UBAP1L: variants seen among roughly 807,000 people sequenced by gnomAD.
UBAP1L encodes ubiquitin associated protein 1 like.
A neutral mutation model predicts 32.1 loss-of-function variants in UBAP1L; 32 were observed. That is an observed-to-expected ratio of 1.00 (90% CI 0.75 to 1.34). UBAP1L has a LOEUF of 1.34. Ranked by LOEUF, UBAP1L falls within the 40% of genes most tolerant of loss-of-function variation. The probability of loss-of-function intolerance (pLI) is 0.00; values close to 1 mark genes in which losing one functional copy is unlikely to be tolerated. For synonymous variants in UBAP1L, 243 were observed against 250.2 expected, an observed-to-expected ratio of 0.97 and a Z score of 0.27; for missense variants, 516 against 540.5, an observed-to-expected ratio of 0.95 and a Z score of 0.45.
Position 65,094,068 on chromosome 15 carries a change from G to C in UBAP1L, c.1011+407C>G, listed in dbSNP as rs974923477. 1.3e-5 allele frequency among the ~76,000 whole-genome samples: 2 copies of C among 152,100 alleles called. No individual in the cohort carries two copies. Among genetic ancestry groups the C allele is most frequent in the South Asian group, 4.1e-4 (2 of 4,820 alleles). On this transcript the variant is annotated intron_variant, in intron 5 of 5. Coordinates refer to ENST00000559089, the MANE Select transcript of UBAP1L (RefSeq NM_001163692.2). This position sits in a 1 kb window ranked among gnomAD's most constrained non-coding sequence, Gnocchi z 4.2. Reference sequence around the variant, plus strand: ...TCTCAGAAAACAAGATGTGACTATTGGGCCTACAGCTGCATGCACTTGGGG... The same window carrying C: ...TCTCAGAAAACAAGATGTGACTATTCGGCCTACAGCTGCATGCACTTGGGG...
At chr15:65,108,014 G>T (rs1333888823) in intron 1 of UBAP1L, among the ~76,000 whole-genome samples, 1 of 151,614 alleles carries the variant, frequency 6.6e-6, no homozygotes, top group Non-Finnish European at 1.5e-5. Flanking sequence ...AAAATTAAAT[G>T]AAATGCAAAG....
chr15:65,093,338 G>A (rs1160682473), intron 5 of UBAP1L, 107 bp from the exon 6 acceptor site: 2 of 1,374,664 alleles, frequency 1.5e-6, no homozygotes, highest in Non-Finnish European at 1.9e-6. Context: ...AAAAAGCTGT[G>A]GCTACCCCCA....
chr15:65,105,954 C>A (rs1327194396), intron 2 of UBAP1L, 142 bp downstream of exon 2: 7 of 1,226,546 alleles, frequency 5.7e-6, no homozygotes, highest in Admixed American at 2.5e-5. Flanking sequence ...CCACACCCAG[C>A]TAATTTTTTG....
chr15:65,099,647 G>A lies in UBAP1L; in HGVS notation c.767C>T (p.Ser256Leu). 1 of 1,551,646 alleles carries A rather than the reference G, an allele frequency of 6.4e-7. No individual in the cohort carries two copies. The highest frequency in any genetic ancestry group is 8.7e-7 in the Non-Finnish European group (1 of 1,146,974). The change falls in exon 4 of 6, where the codon TCA becomes TTA. Residue 256 changes from serine to leucine, a missense_variant. By Grantham distance (145) the Ser-to-Leu change is moderately radical. Coordinates refer to ENST00000559089, the MANE Select transcript of UBAP1L (RefSeq NM_001163692.2). ...GAPQPLNPHK[S>L]HPDTAADLLS... ...CAGGTCAGCCGCAGTATCAGGGTGT[G>A]ACTTGTGGGGGTTGAGAGGTTGGGG... is the stretch of plus-strand genomic sequence containing the variant.
At chr15:65,114,527 T>C (rs921141550) in intron 1 of UBAP1L, among the ~76,000 whole-genome samples, 5 of 152,188 alleles carry the variant, frequency 3.3e-5, no homozygotes, top group Non-Finnish European at 7.3e-5. Flanking sequence ...GATAAGTACT[T>C]TTCCTTGTAG....
Position 65,102,327 on chromosome 15 carries a change from G to T in UBAP1L, c.478C>A (p.Arg160=). 6.9e-7 allele frequency: 1 copy of T among 1,449,684 alleles called. No homozygotes were observed. The highest frequency in any genetic ancestry group is 1.3e-5 in the South Asian group (1 of 75,222). The allele number at this position is 1,449,684 out of a possible 1,614,324, so 89.8% of individuals were successfully genotyped here. A position where few individuals can be genotyped will look rare whatever the true frequency, so the allele number is the denominator to read the frequency against. ...GVRLELAGAR[R]RLSEGKLVSR... ...ACCAGCTTCCCCTCGGAGAGCCGCC[G>T]CCGCGCCCCTGCCAGCTCCAACCGC... The change falls in exon 3 of 6, where the codon CGG becomes AGG. Residue 160 remains arginine, a synonymous_variant. Coordinates refer to ENST00000559089, the MANE Select transcript of UBAP1L (RefSeq NM_001163692.2). The surrounding 1 kb of genome is among the most constrained non-coding windows in gnomAD (Gnocchi z 5.0).
rs1397333442 is a variant in UBAP1L, at chr15:65,102,619, C to A, written c.186G>T (p.Pro62=). 12 of 1,549,368 alleles carry A rather than the reference C, an allele frequency of 7.7e-6. No individual in the cohort carries two copies. Among genetic ancestry groups the A allele is most frequent in the Non-Finnish European group, 9.6e-6 (11 of 1,146,784 alleles). Residue 62 remains proline (P), a synonymous_variant, in exon 3 of 6, where the codon CCG becomes CCT. Transcript: ENST00000559089. This position sits in a 1 kb window ranked among gnomAD's most constrained non-coding sequence, Gnocchi z 5.0. ...WVEAAGQGPS[P]YQCGDPGTAS... ...CTGTCCCCGGGTCACCGCACTGGTA[C>A]GGGCTGGGTCCCTGGCCGGCGGCCT...
At chr15:65,104,139 C>A (rs1338129321) in intron 2 of UBAP1L, among the ~76,000 whole-genome samples, 2 of 152,058 alleles carry the variant, frequency 1.3e-5, no homozygotes, top group Non-Finnish European at 2.9e-5. Context: ...GTAATCCCAG[C>A]TACTTGGGAG....
chr15:65,103,092 G>A (rs1050659275), intron 2 of UBAP1L, among the ~76,000 whole-genome samples: 1 of 152,276 alleles, frequency 6.6e-6, no homozygotes, highest in Admixed American at 6.5e-5. Flanking sequence ...TTGGAGGCCC[G>A]CCCAGGCAGA....
Position 65,103,349 on chromosome 15 carries a change from C to G in UBAP1L, c.121-665G>C, listed in dbSNP as rs565186420. Among the ~76,000 whole-genome samples, 8 of 152,078 alleles carry G rather than the reference C, an allele frequency of 5.3e-5. No individual in the cohort carries two copies. The South Asian group carries it at 1.0e-3, about 20-fold the overall frequency. ...CCTGATTGTAGTGCTTTCTCCACTTCGTATCAGACCACCTAAAAAAGCAAT... is the reference window on the plus strand; with the variant it reads ...CCTGATTGTAGTGCTTTCTCCACTTGGTATCAGACCACCTAAAAAAGCAAT... On this transcript the variant is annotated intron_variant, in intron 2 of 5. Transcript: ENST00000559089.
intron 1 of UBAP1L, among the ~76,000 whole-genome samples, chr15:65,114,021 G>C (rs1280028090): frequency 6.6e-6 from 1 of 151,896 alleles, no homozygotes; most frequent in Non-Finnish European, 1.5e-5. Flanking sequence ...CGAGTAGCTG[G>C]GATTACAAGC....
intron 1 of UBAP1L, among the ~76,000 whole-genome samples, chr15:65,110,889 C>T (rs766488161): frequency 1.6e-4 from 24 of 152,028 alleles, no homozygotes; most frequent in Non-Finnish European, 2.9e-4. Context: ...GCCAGGATGA[C>T]GCAAAGCTCT....
intron 1 of UBAP1L, among the ~76,000 whole-genome samples, chr15:65,113,798 C>A (rs2087385371): frequency 6.6e-6 from 1 of 152,144 alleles, no homozygotes; most frequent in Admixed American, 6.5e-5. Context: ...TTCTTCAGAG[C>A]TCAGCTGAAA....
At chr15:65,114,874 A>G (rs965244279) in intron 1 of UBAP1L, among the ~76,000 whole-genome samples, 1 of 152,240 alleles carries the variant, frequency 6.6e-6, no homozygotes, top group African/African-American at 2.4e-5. Context: ...GAACTCTGCA[A>G]TGGAAACATA....
chr15:65,102,791 G>T lies in UBAP1L; in HGVS notation c.121-107C>A. 1 of 1,048,010 alleles carries T rather than the reference G, an allele frequency of 9.5e-7. No individual in the cohort carries two copies. Among genetic ancestry groups the T allele is most frequent in the Non-Finnish European group, 1.3e-6 (1 of 752,756 alleles). 64.9% of individuals were successfully genotyped at this position (1,048,010 alleles called of 1,614,324 possible). A position where few individuals can be genotyped will look rare whatever the true frequency, so the allele number is the denominator to read the frequency against. On this transcript the variant is annotated intron_variant, in intron 2 of 5. Coordinates refer to ENST00000559089, the MANE Select transcript of UBAP1L (RefSeq NM_001163692.2). The surrounding 1 kb of genome is among the most constrained non-coding windows in gnomAD (Gnocchi z 5.0). Reference sequence around the variant, plus strand: ...GTTCAGCCAGAGACTCTCTAAGCCTGGACAGCGTCAGATTCTGAGCCCCGG... The same window carrying T: ...GTTCAGCCAGAGACTCTCTAAGCCTTGACAGCGTCAGATTCTGAGCCCCGG...
chr15:65,102,247 C>T lies in UBAP1L; in HGVS notation c.558G>A (p.Leu186=). Residue 186 remains leucine (L), a synonymous_variant, in exon 3 of 6, where the codon CTG becomes CTA. Coordinates refer to ENST00000559089, the MANE Select transcript of UBAP1L (RefSeq NM_001163692.2). This position sits in a 1 kb window ranked among gnomAD's most constrained non-coding sequence, Gnocchi z 5.0. ...TGGGGGACTGCGCAGGGCTCGGGCACAGGCTCAGCGCGCGGTGGCCGCGGA... is the reference window on the plus strand; with the variant it reads ...TGGGGGACTGCGCAGGGCTCGGGCATAGGCTCAGCGCGCGGTGGCCGCGGA... ...HGLRGHRALS[L]CPSPAQSPRS... is the part of the protein sequence containing the mutation. The T allele has an allele frequency of 1.6e-6, 2 of 1,284,440 alleles. No homozygotes were observed. Among genetic ancestry groups the T allele is most frequent in the Admixed American group, 4.4e-5 (1 of 22,908 alleles). 79.6% of individuals were successfully genotyped at this position (1,284,440 alleles called of 1,614,324 possible).
chr15:65,093,681 C>G (rs1025235826), intron 5 of UBAP1L, among the ~76,000 whole-genome samples: 2 of 152,232 alleles, frequency 1.3e-5, no homozygotes, highest in African/African-American at 4.8e-5. Context: ...CTCTCCTTCT[C>G]GAGGCCTCAC....
At chr15:65,112,599 C>T (rs1426095288) in intron 1 of UBAP1L, among the ~76,000 whole-genome samples, 1 of 152,122 alleles carries the variant, frequency 6.6e-6, no homozygotes, top group Non-Finnish European at 1.5e-5. Context: ...CAAAGGTCTT[C>T]ACTATACTCT....
At chr15:65,110,486 T>A (rs1169794973) in intron 1 of UBAP1L, among the ~76,000 whole-genome samples, 1 of 150,570 alleles carries the variant, frequency 6.6e-6, no homozygotes, top group Non-Finnish European at 1.5e-5. Flanking sequence ...AAGACCAGCC[T>A]GGCCAACATG....
Sources: gnomAD v4.1 joint callset for allele counts (sites outside exome capture counted in the v4.1 genomes callset) on GRCh38, gnomAD v4.1.1 for gene constraint, Gnocchi (gnomAD v3.1) non-coding constraint, MANE v1.5 for transcripts, NCBI Gene and HGNC (gene_info 2026-07-23, HGNC 2026-07-21) for gene names.